The following KALRN variants were observed in gnomAD, a reference collection of about 807,000 sequenced individuals.
KALRN encodes kalirin RhoGEF kinase.
In KALRN, 70 loss-of-function variants were observed where a neutral mutation model predicts 353.7. The ratio of observed to expected loss-of-function variants is 0.20; its 90% CI spans 0.16 to 0.24. The LOEUF (loss-of-function observed/expected upper bound fraction) is 0.24, where lower values mean the gene tolerates loss of function less well. Among genes scored for constraint, KALRN ranks in the 10% least tolerant of loss-of-function variants. The probability of loss-of-function intolerance (pLI) is 1.00; values close to 1 mark genes in which losing one functional copy is unlikely to be tolerated. For missense variants in KALRN, 2,791 were observed against 3,756.7 expected (o/e 0.74, Z 6.72); for synonymous variants, 1,391 against 1,434.8 (o/e 0.97, Z 0.69).
At chr3:124,251,355 C>CTTTTTT (rs57628448) in intron 3 of KALRN, among the ~76,000 whole-genome samples, 4 of 133,670 alleles carry the variant, frequency 3.0e-5, no homozygotes, top group East Asian at 2.2e-4. Flanking sequence ...CAAGTCTTTG[C>CTTTTTT]TTTTTTTTTT....
intron 5 of KALRN, among the ~76,000 whole-genome samples, chr3:124,289,987 G>A (rs1444744): frequency 0.53 from 79,972 of 151,924 alleles, 21,659 homozygotes; most frequent in East Asian, 0.67. Context: ...GGCTGTGAAG[G>A]ACACAAAAGG....
At chr3:124,070,080 G>T (rs1271450344) in intron 1 of KALRN, among the ~76,000 whole-genome samples, 1 of 152,052 alleles carries the variant, frequency 6.6e-6, no homozygotes, top group Non-Finnish European at 1.5e-5. Flanking sequence ...AGAGGCAGAG[G>T]AAAAATTAAG....
At position 124,723,976 on chromosome 3, in the gene KALRN, T is replaced by C. The variant is rs2063388736; in HGVS notation, c.*4506T>C. 6.6e-6 allele frequency: 1 copy of C among 151,824 alleles called. No homozygotes were observed. Among genetic ancestry groups the C allele is most frequent in the Non-Finnish European group, 1.5e-5 (1 of 67,978 alleles). The allele number at this position is 151,824 out of a possible 1,614,324, so 9.4% of individuals were successfully genotyped here. ...GAGACAAATTAAATGCACAGGCAAA[T>C]TAAATGCATAGAAATGAATTGGACT... On this transcript the variant is annotated 3_prime_UTR_variant, in exon 60 of 60. Coordinates refer to ENST00000682506, the MANE Select transcript of KALRN (RefSeq NM_001388419.1).
intron 37 of KALRN, among the ~76,000 whole-genome samples, chr3:124,646,937 T>C (rs1040569507): frequency 4.6e-5 from 7 of 152,186 alleles, no homozygotes; most frequent in Non-Finnish European, 8.8e-5. Flanking sequence ...TGTCCCAAAT[T>C]ATGAAAATAT....
intron 25 of KALRN, among the ~76,000 whole-genome samples, chr3:124,470,313 G>A (rs1028784464): frequency 2.6e-4 from 39 of 152,156 alleles, no homozygotes; most frequent in Non-Finnish European, 1.2e-4. Flanking sequence ...GAAGAGAGTT[G>A]TGAGCTGTTT....
intron 33 of KALRN, among the ~76,000 whole-genome samples, chr3:124,540,554 T>C (rs751952378): frequency 1.3e-5 from 2 of 152,222 alleles, no homozygotes; most frequent in Non-Finnish European, 2.9e-5. Flanking sequence ...ATACACAATT[T>C]TGGAGAGCTG....
chr3:124,373,817 A>G (rs1166822507), intron 10 of KALRN, among the ~76,000 whole-genome samples: 6 of 152,228 alleles, frequency 3.9e-5, no homozygotes, highest in Non-Finnish European at 7.4e-5. Flanking sequence ...ATAAGGTCAC[A>G]TTCTAAGGTA....
Position 124,603,523 on chromosome 3 carries a change from C to T in KALRN, c.5183-28897C>T, listed in dbSNP as rs1056204676. Among the ~76,000 whole-genome samples, 3 of 152,158 alleles carry T rather than the reference C, an allele frequency of 2.0e-5. No individual in the cohort carries two copies. In the East Asian group the frequency reaches 5.8e-4, roughly 29 times the overall value. ...GATGTTCCTCAGCTATTCTTCCTTC[C>T]TGTCCCTGGCTCTCCCTACAGGTCA... On this transcript the variant is annotated intron_variant, in intron 34 of 59. Transcript: ENST00000682506.
intron 58 of KALRN, among the ~76,000 whole-genome samples, chr3:124,715,015 CAAA>C (rs57167927): frequency 0.28 from 35,257 of 126,732 alleles, 5,281 homozygotes; most frequent in African/African-American, 0.46. Flanking sequence ...GACTCCATCT[CAAA>C]AAAAAAAAAA....
At chr3:124,180,225 C>T (rs1474613779) in intron 1 of KALRN, among the ~76,000 whole-genome samples, 1 of 152,204 alleles carries the variant, frequency 6.6e-6, no homozygotes, top group Non-Finnish European at 1.5e-5. Context: ...GCTGTAGCAA[C>T]TTTTGGCACG....
chr3:124,440,047 T>A (rs2093620074), intron 18 of KALRN, among the ~76,000 whole-genome samples: 2 of 152,154 alleles, frequency 1.3e-5, no homozygotes. Flanking sequence ...GCTTAATTTT[T>A]ATTTTTTTTA....
At chr3:124,524,707 A>G (rs977499908) in intron 33 of KALRN, among the ~76,000 whole-genome samples, 4 of 152,244 alleles carry the variant, frequency 2.6e-5, no homozygotes, top group South Asian at 2.1e-4. Context: ...AACAATGTGT[A>G]TGTATGTGCA....
At chr3:124,709,557 C>T (rs1239293961) in intron 57 of KALRN, among the ~76,000 whole-genome samples, 3 of 152,120 alleles carry the variant, frequency 2.0e-5, no homozygotes, top group African/African-American at 4.8e-5. Flanking sequence ...GGATTACAGG[C>T]GTGAGCCACT....
chr3:124,116,280 G>A (rs186582022), intron 1 of KALRN, among the ~76,000 whole-genome samples: 2 of 152,310 alleles, frequency 1.3e-5, no homozygotes, highest in East Asian at 3.9e-4. Flanking sequence ...TCTAGTCCTT[G>A]TACTGGAAAA....
At chr3:124,046,042 C>G (rs1362932888) in intron 1 of KALRN, among the ~76,000 whole-genome samples, 1 of 152,160 alleles carries the variant, frequency 6.6e-6, no homozygotes, top group Non-Finnish European at 1.5e-5. Context: ...TGCTTCTAGA[C>G]CATAGGTGTA....
chr3:124,368,173 G>T (rs2085230313), intron 10 of KALRN, among the ~76,000 whole-genome samples: 3 of 79,940 alleles, frequency 3.8e-5, no homozygotes, highest in Admixed American at 3.6e-4. Flanking sequence ...GGACAGCACG[G>T]CTGGCCGGGC....
chr3:124,168,579 G>A (rs2071240742), intron 1 of KALRN, among the ~76,000 whole-genome samples: 1 of 152,182 alleles, frequency 6.6e-6, no homozygotes. Flanking sequence ...AATCTCCCTG[G>A]GGAGAGGCTC....
chr3:124,096,592 G>T (rs2061464571), intron 1 of KALRN: 1 of 152,172 alleles, frequency 6.6e-6, no homozygotes, highest in Admixed American at 6.5e-5. Context: ...TTATCTTTTA[G>T]AAATGCTTGA....
At chr3:124,469,025 T>A (rs2060626159) in intron 25 of KALRN, among the ~76,000 whole-genome samples, 1 of 152,256 alleles carries the variant, frequency 6.6e-6, no homozygotes, top group Non-Finnish European at 1.5e-5. Context: ...CTTCTTAGCA[T>A]CCATGCCTGG....
Sources: gnomAD v4.1 joint callset for allele counts (sites outside exome capture counted in the v4.1 genomes callset) on GRCh38, gnomAD v4.1.1 for gene constraint, MANE v1.5 for transcripts, NCBI Gene and HGNC (gene_info 2026-07-23, HGNC 2026-07-21) for gene names.